NUBPL: variants seen among roughly 807,000 people sequenced by gnomAD.
NUBPL encodes NUBP iron-sulfur cluster assembly factor, mitochondrial, also known as iron-sulfur cluster transfer protein NUBPL.
In NUBPL, 31 loss-of-function variants were observed where a neutral mutation model predicts 45.7. That is an observed-to-expected ratio of 0.68 (90% CI 0.51 to 0.92). The LOEUF (loss-of-function observed/expected upper bound fraction) is 0.92. Ranked by LOEUF, NUBPL falls within the 40% of genes least tolerant of loss-of-function variation. NUBPL has a pLI of 0.00. For synonymous variants in NUBPL, 144 were observed against 140.9 expected, an observed-to-expected ratio of 1.02 and a Z score of -0.15; for missense variants, 401 against 398.7, an observed-to-expected ratio of 1.01 and a Z score of -0.05.
intron 4 of NUBPL, among the ~76,000 whole-genome samples, chr14:31,669,010 A>G (rs1482911145): frequency 2.6e-5 from 4 of 151,988 alleles, no homozygotes; most frequent in Non-Finnish European, 5.9e-5. Context: ...CTCCTTATTT[A>G]TTAAATTTTA....
chr14:31,689,246 C>T (rs1424049099), intron 6 of NUBPL, among the ~76,000 whole-genome samples: 3 of 152,166 alleles, frequency 2.0e-5, no homozygotes, highest in Non-Finnish European at 4.4e-5. Context: ...CACCATACTG[C>T]TTTCCACAAT....
intron 6 of NUBPL, among the ~76,000 whole-genome samples, chr14:31,723,141 A>G (rs945716227): frequency 2.6e-5 from 4 of 152,200 alleles, no homozygotes; most frequent in Non-Finnish European, 5.9e-5. Context: ...GAAGGGGTCC[A>G]GTGTGAATCT....
intron 7 of NUBPL, among the ~76,000 whole-genome samples, chr14:31,812,903 A>G (rs1296594267): frequency 6.6e-6 from 1 of 152,012 alleles, no homozygotes; most frequent in Non-Finnish European, 1.5e-5. Context: ...ATTCCATCCT[A>G]AGCGCTTTAA....
At chr14:31,853,505 G>A (rs1354594080) in intron 10 of NUBPL, among the ~76,000 whole-genome samples, 1 of 152,102 alleles carries the variant, frequency 6.6e-6, no homozygotes, top group Non-Finnish European at 1.5e-5. Context: ...CCAGGTGTTA[G>A]GGCTCTTATT....
At chr14:31,812,190 C>T (rs922163510) in intron 7 of NUBPL, among the ~76,000 whole-genome samples, 11 of 152,146 alleles carry the variant, frequency 7.2e-5, no homozygotes, top group African/African-American at 7.2e-5. Flanking sequence ...CAGACAGGGA[C>T]GTTTAAGTCT....
At chr14:31,727,398 G>C (rs1047570560) in intron 6 of NUBPL, among the ~76,000 whole-genome samples, 1 of 152,152 alleles carries the variant, frequency 6.6e-6, no homozygotes, top group African/African-American at 2.4e-5. Flanking sequence ...CAGATGTGGA[G>C]AGTTCAAAAG....
At chr14:31,780,538 A>G (rs755083153) in intron 6 of NUBPL, among the ~76,000 whole-genome samples, 60 of 152,192 alleles carry the variant, frequency 3.9e-4, no homozygotes, top group Non-Finnish European at 7.5e-4. Context: ...TATGACAGAA[A>G]ATTTCCTAAG....
intron 8 of NUBPL, among the ~76,000 whole-genome samples, chr14:31,840,591 GAA>G (rs869256829): frequency 7.9e-5 from 7 of 88,060 alleles, no homozygotes; most frequent in Non-Finnish European, 1.1e-4. Context: ...AAAAAAAAAA[GAA>G]AAAGAAAGAA....
intron 6 of NUBPL, among the ~76,000 whole-genome samples, chr14:31,783,040 A>T (rs1016916547): frequency 1.3e-5 from 2 of 152,190 alleles, no homozygotes; most frequent in African/African-American, 4.8e-5. Flanking sequence ...GCACAATGGA[A>T]ATCCAAACAC....
At chr14:31,675,648 C>T (rs1484608337) in intron 6 of NUBPL, among the ~76,000 whole-genome samples, 1 of 152,142 alleles carries the variant, frequency 6.6e-6, no homozygotes, top group Non-Finnish European at 1.5e-5. Flanking sequence ...CCAGAACATC[C>T]TCTCATGTTC....
chr14:31,685,336 TA>T (rs1400690563), intron 6 of NUBPL, among the ~76,000 whole-genome samples: 1 of 152,114 alleles, frequency 6.6e-6, no homozygotes, highest in Non-Finnish European at 1.5e-5. Flanking sequence ...AAAAAGATTA[TA>T]GGGGTTTAAG....
chr14:31,710,764 A>T (rs1224924837), intron 6 of NUBPL, among the ~76,000 whole-genome samples: 2 of 152,176 alleles, frequency 1.3e-5, no homozygotes, highest in Non-Finnish European at 1.5e-5. Flanking sequence ...AATAGGAAGG[A>T]TACAATTTCT....
intron 8 of NUBPL, among the ~76,000 whole-genome samples, chr14:31,833,903 T>C (rs2040232516): frequency 6.6e-6 from 1 of 152,176 alleles, no homozygotes; most frequent in African/African-American, 2.4e-5. Context: ...CTAAGAAATA[T>C]CAATTAGTTG....
intron 4 of NUBPL, among the ~76,000 whole-genome samples, chr14:31,621,928 G>C (rs546366979): frequency 1.3e-5 from 2 of 152,284 alleles, no homozygotes; most frequent in East Asian, 3.9e-4. Context: ...GAATAGTTTG[G>C]AGGGCTCAGA....
At chr14:31,616,847 T>C (rs1292260934) in intron 4 of NUBPL, among the ~76,000 whole-genome samples, 1 of 152,220 alleles carries the variant, frequency 6.6e-6, no homozygotes, top group African/African-American at 2.4e-5. Flanking sequence ...GCATTCAATC[T>C]ATAAATTACT....
intron 4 of NUBPL, among the ~76,000 whole-genome samples, chr14:31,668,354 T>G (rs1295733810): frequency 6.6e-6 from 1 of 152,210 alleles, no homozygotes; most frequent in Admixed American, 6.5e-5. Context: ...GCTTCCTTAA[T>G]ACGGTGAGGG....
At chr14:31,804,220 C>T (rs2039643456) in intron 7 of NUBPL, among the ~76,000 whole-genome samples, 1 of 152,092 alleles carries the variant, frequency 6.6e-6, no homozygotes, top group South Asian at 2.1e-4. Flanking sequence ...CATACTATCA[C>T]AAGGCAAAAT....
At chr14:31,754,249 T>C (rs2038598473) in intron 6 of NUBPL, among the ~76,000 whole-genome samples, 1 of 152,158 alleles carries the variant, frequency 6.6e-6, no homozygotes, top group South Asian at 2.1e-4. Flanking sequence ...AATGAAAAAG[T>C]ATAAGATCTA....
intron 10 of NUBPL, among the ~76,000 whole-genome samples, chr14:31,852,130 C>A (rs1271873617): frequency 1.3e-5 from 2 of 152,174 alleles, no homozygotes; most frequent in African/African-American, 2.4e-5. Context: ...GTTTTCTAAC[C>A]TCTCTGAACC....
Sources: gnomAD v4.1 joint callset for allele counts (sites outside exome capture counted in the v4.1 genomes callset) on GRCh38, gnomAD v4.1.1 for gene constraint, MANE v1.5 for transcripts, NCBI Gene and HGNC (gene_info 2026-07-23, HGNC 2026-07-21) for gene names.